Variants in DENND4C observed in about 807,000 individuals in gnomAD.
DENND4C encodes the protein DENN domain containing 4C, also known as DENN domain-containing protein 4C.
In DENND4C, 108 loss-of-function variants were observed where a neutral mutation model predicts 203.0. The ratio of observed to expected loss-of-function variants is 0.53; its 90% CI spans 0.46 to 0.62. DENND4C has a LOEUF of 0.62. DENND4C is among the 20% of genes least tolerant of loss of function. The pLI, the probability that DENND4C is intolerant of heterozygous loss-of-function variation, is 0.00. For synonymous variants in DENND4C, 871 were observed against 792.4 expected, an observed-to-expected ratio of 1.10 and a Z score of -1.67; for missense variants, 2,481 against 2,301.2, an observed-to-expected ratio of 1.08 and a Z score of -1.60.
At chr9:19,259,510 T>C (rs182067108) in intron 1 of DENND4C, among the ~76,000 whole-genome samples, 3,149 of 150,144 alleles carry the variant, frequency 0.021, 123 homozygotes, top group African/African-American at 0.072. Flanking sequence ...TTTTTCTTTT[T>C]TTTTTTTTTT....
intron 12 of DENND4C, among the ~76,000 whole-genome samples, chr9:19,319,955 A>G (rs1432958052): frequency 6.6e-6 from 1 of 152,044 alleles, no homozygotes; most frequent in Non-Finnish European, 1.5e-5. Flanking sequence ...TGTATATGTG[A>G]TTTTGGCTTA....
chr9:19,309,177 C>G (rs1484100570), intron 10 of DENND4C, among the ~76,000 whole-genome samples: 1 of 152,106 alleles, frequency 6.6e-6, no homozygotes, highest in East Asian at 1.9e-4. Flanking sequence ...AATCCCAGTA[C>G]TTTGAGAGGC....
At chr9:19,273,572 C>T (rs79549500) in intron 1 of DENND4C, among the ~76,000 whole-genome samples, 3,241 of 151,836 alleles carry the variant, frequency 0.021, 180 homozygotes, top group African/African-American at 0.074. Context: ...ACATAAAGAA[C>T]TCAAAACTCA....
intron 30 of DENND4C, among the ~76,000 whole-genome samples, chr9:19,367,726 C>T (rs752953262): frequency 2.6e-5 from 4 of 151,868 alleles, no homozygotes; most frequent in Non-Finnish European, 4.4e-5. Context: ...GGCAACAGAG[C>T]GAGACTCCAT....
intron 1 of DENND4C, among the ~76,000 whole-genome samples, chr9:19,265,608 C>T (rs952290342): frequency 6.6e-6 from 1 of 152,092 alleles, no homozygotes; most frequent in Non-Finnish European, 1.5e-5. Flanking sequence ...CCCTCCTCCC[C>T]CTACCCCACG....
At chr9:19,350,674 A>C (rs773574323) in intron 23 of DENND4C, 28 bp from the exon 24 acceptor site, 1 of 1,587,188 alleles carries the variant, frequency 6.3e-7, no homozygotes, top group East Asian at 2.2e-5. Flanking sequence ...TTATTTATGT[A>C]TGTGGAATTT....
At position 19,257,127 on chromosome 9, in the gene DENND4C, GAAAAGGAAA is replaced by G. The variant is rs571831542; in HGVS notation, c.-17-19018_-17-19010del. Among the ~76,000 whole-genome samples, 13 of 150,204 alleles carry G rather than the reference GAAAAGGAAA, an allele frequency of 8.7e-5. No individual in the cohort carries two copies. In the East Asian group the frequency reaches 2.4e-3, roughly 27 times the overall value. On this transcript the variant is annotated intron_variant, in intron 1 of 32. Transcript: ENST00000434457. ...GTGAGGTTTCAGAAAACAGAGTGAA[GAAAAGGAAA>G]AAAAGGAAAAAAGAATTAAAGTTTA...
intron 8 of DENND4C, 83 bp downstream of exon 8, chr9:19,299,370 A>G (rs1439867446): frequency 5.9e-6 from 5 of 851,682 alleles, no homozygotes; most frequent in Non-Finnish European, 8.7e-6. Context: ...TATATTATTA[A>G]TATATTAGTG....
At chr9:19,278,156 G>T (rs1279824432) in intron 2 of DENND4C, among the ~76,000 whole-genome samples, 1 of 148,512 alleles carries the variant, frequency 6.7e-6, no homozygotes, top group African/African-American at 2.5e-5. Flanking sequence ...TTGTTTTTGA[G>T]ACAGAGTCTG....
At chr9:19,370,939 T>G (rs533767071) in intron 31 of DENND4C, among the ~76,000 whole-genome samples, 1 of 152,316 alleles carries the variant, frequency 6.6e-6, no homozygotes, top group East Asian at 1.9e-4. Context: ...TGAAAATGGA[T>G]GGATCCATTT....
At chr9:19,347,548 A>G (rs1823183453) in intron 23 of DENND4C, among the ~76,000 whole-genome samples, 1 of 152,236 alleles carries the variant, frequency 6.6e-6, no homozygotes, top group Non-Finnish European at 1.5e-5. Flanking sequence ...CTTTTTAAAA[A>G]TATGTGAAGG....
intron 28 of DENND4C, among the ~76,000 whole-genome samples, chr9:19,359,014 G>C (rs1333450931): frequency 1.3e-5 from 2 of 151,750 alleles, no homozygotes; most frequent in African/African-American, 4.9e-5. Flanking sequence ...GTCTCATTCT[G>C]TCATTTCTTC....
At chr9:19,332,763 T>C (rs946231083) in intron 17 of DENND4C, among the ~76,000 whole-genome samples, 5 of 136,446 alleles carry the variant, frequency 3.7e-5, no homozygotes, top group Admixed American at 7.8e-5. Context: ...TTTCTGTTTT[T>C]GATTTTTTTT....
rs150248204 is a variant in DENND4C at position 19,357,139 on chromosome 9, C to G, written c.4949C>G (p.Ser1650Cys). The change falls in exon 27 of 33, where the codon TCT becomes TGT. Residue 1650 changes from serine (S) to cysteine (C), a missense_variant. Physicochemically the swap from Ser to Cys is moderately radical, Grantham distance 112 (BLOSUM62 -1). This residue lies in a region of DENND4C where 2,289 missense variants were observed against 2,113.3 expected (regional missense o/e 1.08). Coordinates refer to ENST00000434457, the MANE Select transcript of DENND4C (RefSeq NM_001330640.2). ...HNQIITEETG[S>C]AVEPSDEIKR... is the part of the protein sequence containing the mutation. ...CAGATCATAACTGAAGAAACAGGCTCTGCAGTTGAACCAAGGTATCAAAGG... is the reference window on the plus strand; with the variant it reads ...CAGATCATAACTGAAGAAACAGGCTGTGCAGTTGAACCAAGGTATCAAAGG... 4.3e-6 allele frequency: 7 copies of G among 1,613,840 alleles called. No homozygotes were observed. Among genetic ancestry groups the G allele is most frequent in the Non-Finnish European group, 5.9e-6 (7 of 1,179,816 alleles).
At chr9:19,280,485 A>G (rs76018854) in intron 2 of DENND4C, among the ~76,000 whole-genome samples, 3,199 of 152,138 alleles carry the variant, frequency 0.021, 120 homozygotes, top group African/African-American at 0.072. Context: ...GTAAGTTAAA[A>G]TGGGTGTAAA....
At chr9:19,357,417 T>C in intron 27 of DENND4C, 2 of 366,802 alleles carry the variant, frequency 5.5e-6, no homozygotes, top group South Asian at 4.3e-5. Flanking sequence ...ATATAGTCAT[T>C]GCCAGTTTCC....
At chr9:19,300,648 C>G (rs1335052703) in intron 9 of DENND4C, among the ~76,000 whole-genome samples, 1 of 152,104 alleles carries the variant, frequency 6.6e-6, no homozygotes, top group Non-Finnish European at 1.5e-5. Flanking sequence ...TTGAGAGGCT[C>G]TGGCCAATTT....
chr9:19,331,961 T>C lies in DENND4C; in HGVS notation c.2254-17T>C. 6.3e-7 allele frequency: 1 copy of C among 1,598,638 alleles called. No individual in the cohort carries two copies. Among genetic ancestry groups the C allele is most frequent in the Non-Finnish European group, 8.5e-7 (1 of 1,170,312 alleles). ...ATGAATTTTAGTAAATATCATAATA[T>C]TTTATTCTCTTTCTAGGAAATAAAA... On this transcript the variant is annotated splice_polypyrimidine_tract_variant and intron_variant, in intron 16 of 32. Transcript: ENST00000434457.
chr9:19,239,520 A>C (rs1431177184), intron 1 of DENND4C, among the ~76,000 whole-genome samples: 3 of 151,422 alleles, frequency 2.0e-5, no homozygotes, highest in Non-Finnish European at 4.4e-5. Flanking sequence ...GCTGGAGTGC[A>C]GTGGCACTCC....
Sources: allele counts gnomAD v4.1 joint callset (sites outside exome capture counted in the v4.1 genomes callset), GRCh38; gene constraint gnomAD v4.1.1; regional missense constraint gnomAD v4.1.1; transcripts MANE v1.5; gene names NCBI Gene and HGNC (gene_info 2026-07-23, HGNC 2026-07-21).